The following ACAP1 variants were observed in gnomAD, a reference collection of about 807,000 sequenced individuals.
ACAP1 encodes ArfGAP with coiled-coil, ankyrin repeat and PH domains 1.
In ACAP1, 45 loss-of-function variants were observed where a neutral mutation model predicts 98.8. The ratio of observed to expected loss-of-function variants is 0.46; its 90% CI spans 0.36 to 0.58. ACAP1 has a LOEUF of 0.58. Among genes scored for constraint, ACAP1 ranks in the 20% least tolerant of loss-of-function variants. The pLI, the probability that ACAP1 is intolerant of heterozygous loss-of-function variation, is 0.00. For synonymous variants in ACAP1, 362 were observed against 375.3 expected, an observed-to-expected ratio of 0.96 and a Z score of 0.41; for missense variants, 735 against 971.4, an observed-to-expected ratio of 0.76 and a Z score of 3.24.
In ACAP1 at chr17:7,348,400, C is replaced by A; in HGVS notation, c.1603C>A (p.Arg535Ser). The stretch of plus-strand genomic sequence containing the variant: ...TCGAGGGCGAAGAGGTGGCCGGGGG[C>A]GCCCAAGGGGGCAGCCTCCTGTGCC... ...EIRGRRGGRG[R>S]PRGQPPVPPK... is the part of the protein sequence containing the mutation. Residue 535 changes from arginine (R) to serine (S), a missense_variant, in exon 17 of 22, where the codon CGC becomes AGC. Coordinates refer to ENST00000158762, the MANE Select transcript of ACAP1 (RefSeq NM_014716.4). 3 of 1,550,116 alleles carry A rather than the reference C, an allele frequency of 1.9e-6. No homozygotes were observed. The highest frequency in any genetic ancestry group is 2.6e-6 in the Non-Finnish European group (3 of 1,148,226).
chr17:7,351,407 C>T lies in ACAP1; in HGVS notation c.*12C>T, dbSNP rs763532630. 6.3e-7 allele frequency: 1 copy of T among 1,592,778 alleles called. No individual in the cohort carries two copies. On this transcript the variant is annotated 3_prime_UTR_variant, in exon 22 of 22. Transcript: ENST00000158762. ...TCCACACGCTGTGACCCGAGGCCCA[C>T]GGGGCCCGCGCCTGCCTCCCTTCCC...
In ACAP1 at chr17:7,340,058, C is replaced by T. The variant is rs144648938; in HGVS notation, c.112-1890C>T. 5.4e-3 allele frequency among the ~76,000 whole-genome samples: 828 copies of T among 152,094 alleles called. 8 individuals are homozygous for T. Among genetic ancestry groups the T allele is most frequent in the African/African-American group, 0.018 (756 of 41,492 alleles). ...GGAGGGTTGCTTGAGGCCAGAAGCTCGAGACCAGCCTGGGCAACATAGCAA... is the reference window on the plus strand; with the variant it reads ...GGAGGGTTGCTTGAGGCCAGAAGCTTGAGACCAGCCTGGGCAACATAGCAA... On this transcript the variant is annotated intron_variant, in intron 2 of 21. Transcript: ENST00000158762.
chr17:7,344,678 C>T lies in ACAP1; in HGVS notation c.854+30C>T. 1 of 1,486,320 alleles carries T rather than the reference C, an allele frequency of 6.7e-7. No homozygotes were observed. 92.1% of individuals were successfully genotyped at this position (1,486,320 alleles called of 1,614,324 possible). A position where few individuals can be genotyped will look rare whatever the true frequency, so the allele number is the denominator to read the frequency against. On this transcript the variant is annotated intron_variant, in intron 10 of 21. Transcript: ENST00000158762. This position sits in a 1 kb window ranked among gnomAD's most constrained non-coding sequence, Gnocchi z 4.9. ...GGAGAGGACACCCCCAATCAGCCCG[C>T]CCCACCCAATGATGTATTTTCGAGT...
chr17:7,343,897 C>T lies in ACAP1; in HGVS notation c.610C>T (p.Gln204Ter). The change falls in exon 8 of 22, where the codon CAG (glutamine) becomes TAG (stop). Residue 204 changes from glutamine to a stop codon, truncating the protein, a stop_gained. Transcript: ENST00000158762. LOFTEE classifies it high-confidence loss of function. The surrounding 1 kb of genome is among the most constrained non-coding windows in gnomAD (Gnocchi z 4.9). ...RLVEAQATHFQQGHEELSRLS... is the reference protein window; with the variant it reads ...RLVEAQATHF ...GGTGGAGGCCCAGGCTACCCATTTC[C>T]AGCAGGGCCATGAGGAGCTGAGCCG... The T allele has an allele frequency of 6.2e-7, 1 of 1,612,406 alleles. No homozygotes were observed. The highest frequency in any genetic ancestry group is 8.5e-7 in the Non-Finnish European group (1 of 1,179,216).
At position 7,344,526 on chromosome 17, in the gene ACAP1, C is replaced by T; in HGVS notation, c.745-13C>T. 1.9e-6 allele frequency: 3 copies of T among 1,547,964 alleles called. No homozygotes were observed. The African/African-American group carries it at 4.1e-5, about 21-fold the overall frequency. ...CCCATCTCAGTTGCCCTTTGATCCT[C>T]TTGTGCCTCCAGGAGCTGGGTGGGG... On this transcript the variant is annotated splice_polypyrimidine_tract_variant and intron_variant, in intron 9 of 21. Coordinates refer to ENST00000158762, the MANE Select transcript of ACAP1 (RefSeq NM_014716.4). This position sits in a 1 kb window ranked among gnomAD's most constrained non-coding sequence, Gnocchi z 4.9.
intron 18 of ACAP1, 127 bp from the exon 19 acceptor site, chr17:7,349,818 C>A: frequency 1.3e-6 from 1 of 743,624 alleles, no homozygotes; most frequent in Non-Finnish European, 2.3e-6. Context: ...TTAGCTGTAA[C>A]CCCTTCCACA....
At chr17:7,337,230 C>T (rs1441531165) in intron 1 of ACAP1, 82 bp from the exon 2 acceptor site, 11 of 1,337,328 alleles carry the variant, frequency 8.2e-6, no homozygotes, top group Middle Eastern at 1.8e-4. Context: ...CCGTACCCAC[C>T]GCCCTGCGAC....
rs1485525430 is a variant in ACAP1 at position 7,348,416 on chromosome 17, C to A, written c.1619C>A (p.Pro540His). Residue 540 changes from proline to histidine, a missense_variant, in exon 17 of 22, where the codon CCT (proline) becomes CAT (histidine). This residue lies in a region of ACAP1 where 80 missense variants were observed against 64.4 expected (regional missense o/e 1.24). Coordinates refer to ENST00000158762, the MANE Select transcript of ACAP1 (RefSeq NM_014716.4). ...GGCCGGGGGCGCCCAAGGGGGCAGCCTCCTGTGCCCCCAAAGCCTTCCATC... is the reference window on the plus strand; with the variant it reads ...GGCCGGGGGCGCCCAAGGGGGCAGCATCCTGTGCCCCCAAAGCCTTCCATC... ...RGGRGRPRGQ[P>H]PVPPKPSIRP... The A allele has an allele frequency of 5.9e-6, 9 of 1,528,008 alleles. No individual in the cohort carries two copies. The highest frequency in any genetic ancestry group is 7.9e-6 in the Non-Finnish European group (9 of 1,139,250). 94.7% of individuals were successfully genotyped at this position (1,528,008 alleles called of 1,614,324 possible).
At chr17:7,349,663 C>A (rs1420607052) in intron 18 of ACAP1, 2 of 384,580 alleles carry the variant, frequency 5.2e-6, no homozygotes, top group East Asian at 8.2e-5. Flanking sequence ...GCGTGAGCCA[C>A]TGTGCCCGGC....
At chr17:7,337,645 GGAGTT>G (rs752192120) in intron 2 of ACAP1, among the ~76,000 whole-genome samples, 1 of 152,142 alleles carries the variant, frequency 6.6e-6, no homozygotes, top group Non-Finnish European at 1.5e-5. Flanking sequence ...CCTGAGGTCA[GGAGTT>G]CTAGACCAGC....
In ACAP1 at chr17:7,351,458, G is replaced by C; in HGVS notation, c.*63G>C. 7.9e-7 allele frequency: 1 copy of C among 1,259,356 alleles called. No homozygotes were observed. The highest frequency in any genetic ancestry group is 1.1e-6 in the Non-Finnish European group (1 of 885,524). 78.0% of individuals were successfully genotyped at this position (1,259,356 alleles called of 1,614,324 possible). On this transcript the variant is annotated 3_prime_UTR_variant, in exon 22 of 22. Coordinates refer to ENST00000158762, the MANE Select transcript of ACAP1 (RefSeq NM_014716.4). ...CGCCACCGGGCCCTCTGCCATTAAA[G>C]CCTCCGTGCTTCGCTCTTCCCTTCT...
chr17:7,351,283 T>G lies in ACAP1; in HGVS notation c.2123-12T>G, dbSNP rs66687178. ...GGCCCAGCCGCCTCCCGGCCTTTCCTCCCTCCCCCAGGAGATGAGACGTAT... is the reference window on the plus strand; with the variant it reads ...GGCCCAGCCGCCTCCCGGCCTTTCCGCCCTCCCCCAGGAGATGAGACGTAT... On this transcript the variant is annotated splice_polypyrimidine_tract_variant and intron_variant, in intron 21 of 21. Transcript: ENST00000158762. The G allele has an allele frequency of 0.19, 304,769 of 1,606,360 alleles. 31,190 individuals are homozygous for G. Among genetic ancestry groups the G allele is most frequent in the Non-Finnish European group, 0.21 (245,301 of 1,174,562 alleles).
rs765517016 is a variant in ACAP1 at position 7,348,360 on chromosome 17, C to A, written c.1563C>A (p.Thr521=). 1 of 1,575,892 alleles carries A rather than the reference C, an allele frequency of 6.3e-7. No individual in the cohort carries two copies. The highest frequency in any genetic ancestry group is 8.6e-7 in the Non-Finnish European group (1 of 1,158,982). Residue 521 remains threonine (T), a synonymous_variant, in exon 17 of 22, where the codon ACC becomes ACA. Transcript: ENST00000158762. The part of the protein sequence containing the change: ...HAKYVEKKFL[T]KLPEIRGRRG... ...AATACGTGGAGAAGAAGTTCCTGAC[C>A]AAGCTGCCTGAGATTCGAGGGCGAA...
At position 7,336,592 on chromosome 17, in the gene ACAP1, A is replaced by G. The variant is rs3809827; in HGVS notation, c.-143A>G. ...GACACCCCTTTCCCCTTGGGGAAAG[A>G]ATTGTGCCCCCAGGCCCTTCCCCGC... On this transcript the variant is annotated 5_prime_UTR_variant, in exon 1 of 22. Coordinates refer to ENST00000158762, the MANE Select transcript of ACAP1 (RefSeq NM_014716.4). The G allele has an allele frequency of 0.3, 235,506 of 794,384 alleles. 39,628 individuals carry two copies. The highest frequency in any genetic ancestry group is 0.64 in the African/African-American group (37,912 of 58,942). The allele number at this position is 794,384 out of a possible 1,614,324, so 49.2% of individuals were successfully genotyped here. A position where few individuals can be genotyped will look rare whatever the true frequency, so the allele number is the denominator to read the frequency against.
intron 17 of ACAP1, 134 bp downstream of exon 17, chr17:7,348,609 G>A: frequency 4.8e-6 from 5 of 1,032,238 alleles, no homozygotes; most frequent in Non-Finnish European, 5.4e-6. Flanking sequence ...TGCCGTTTCA[G>A]GGGTTACGGT....
In ACAP1 at chr17:7,344,497, T is replaced by C. The variant is rs911584327; in HGVS notation, c.745-42T>C. 16 of 1,429,114 alleles carry C rather than the reference T, an allele frequency of 1.1e-5. No homozygotes were observed. The highest frequency in any genetic ancestry group is 1.5e-5 in the Non-Finnish European group (16 of 1,037,098). 88.5% of individuals were successfully genotyped at this position (1,429,114 alleles called of 1,614,324 possible). ...GAGGCAGATGCCTATGGCCTTGGTGTCTGCCCATCTCAGTTGCCCTTTGAT... is the reference window on the plus strand; with the variant it reads ...GAGGCAGATGCCTATGGCCTTGGTGCCTGCCCATCTCAGTTGCCCTTTGAT... On this transcript the variant is annotated intron_variant, in intron 9 of 21. Transcript: ENST00000158762. The surrounding 1 kb of genome is among the most constrained non-coding windows in gnomAD (Gnocchi z 4.9).
chr17:7,339,329 A>G (rs971788274), intron 2 of ACAP1, among the ~76,000 whole-genome samples: 10 of 133,080 alleles, frequency 7.5e-5, no homozygotes, highest in African/African-American at 2.6e-4. Flanking sequence ...AATAAACTCT[A>G]GCCAAGCTCA....
In ACAP1 at chr17:7,348,933, T is replaced by A. The variant is rs551004086; in HGVS notation, c.1679-62T>A. On this transcript the variant is annotated intron_variant, in intron 17 of 21. Coordinates refer to ENST00000158762, the MANE Select transcript of ACAP1 (RefSeq NM_014716.4). Reference sequence around the variant, plus strand: ...TCCCATTATAGCATTGGGACACTGCTGAGGGTTTTCTTCCCAGACTCGGAG... The same window carrying A: ...TCCCATTATAGCATTGGGACACTGCAGAGGGTTTTCTTCCCAGACTCGGAG... 1.3e-5 allele frequency: 19 copies of A among 1,502,130 alleles called. No homozygotes were observed. In the Admixed American group the frequency reaches 2.1e-4, roughly 16 times the overall value. 93.1% of individuals were successfully genotyped at this position (1,502,130 alleles called of 1,614,324 possible). A position where few individuals can be genotyped will look rare whatever the true frequency, so the allele number is the denominator to read the frequency against.
At chr17:7,346,953 G>A (rs777169765) in intron 13 of ACAP1, 22 bp downstream of exon 13, 17 of 1,598,694 alleles carry the variant, frequency 1.1e-5, no homozygotes, top group Admixed American at 3.4e-5. Flanking sequence ...TGGGGGTGCG[G>A]AGCCAGGCTG....
Sources: gnomAD v4.1 joint callset for allele counts (sites outside exome capture counted in the v4.1 genomes callset) on GRCh38, gnomAD v4.1.1 for gene constraint, gnomAD v4.1.1 regional missense constraint, Gnocchi (gnomAD v3.1) non-coding constraint, MANE v1.5 for transcripts, NCBI Gene and HGNC (gene_info 2026-07-23, HGNC 2026-07-21) for gene names.